ADAMTS6: variants seen among roughly 807,000 people sequenced by gnomAD.
ADAMTS6 encodes A disintegrin and metalloproteinase with thrombospondin motifs 6.
ADAMTS6 carries 23 observed loss-of-function variants against 144.3 expected under a neutral mutation model. The ratio of observed to expected loss-of-function variants is 0.16; its 90% CI spans 0.11 to 0.23. The LOEUF is 0.23. Ranked by LOEUF, ADAMTS6 falls within the 10% of genes least tolerant of loss-of-function variation. ADAMTS6 has a pLI of 1.00. For synonymous variants in ADAMTS6, 444 were observed against 457.5 expected, an observed-to-expected ratio of 0.97 and a Z score of 0.38; for missense variants, 999 against 1,379.6, an observed-to-expected ratio of 0.72 and a Z score of 4.37.
intron 9 of ADAMTS6, among the ~76,000 whole-genome samples, chr5:65,302,381 T>C (rs1743526274): frequency 6.8e-6 from 1 of 147,140 alleles, no homozygotes. Context: ...ATATATATTA[T>C]ACATAAATAT....
chr5:65,463,099 T>C (rs549938349), intron 3 of ADAMTS6, among the ~76,000 whole-genome samples: 4 of 150,760 alleles, frequency 2.7e-5, no homozygotes, highest in Admixed American at 6.6e-5. Flanking sequence ...AAAAAGCTAA[T>C]TGATTATACA....
At chr5:65,355,852 A>C (rs1246757331) in intron 7 of ADAMTS6, among the ~76,000 whole-genome samples, 1 of 151,872 alleles carries the variant, frequency 6.6e-6, no homozygotes, top group South Asian at 2.1e-4. Flanking sequence ...CTCTTCAGGC[A>C]TAAGATTATT....
chr5:65,375,238 A>G (rs1251514053), intron 7 of ADAMTS6, among the ~76,000 whole-genome samples: 1 of 152,238 alleles, frequency 6.6e-6, no homozygotes, highest in Admixed American at 6.5e-5. Flanking sequence ...AGGAATGGTA[A>G]CAAAAGCCAA....
intron 18 of ADAMTS6, among the ~76,000 whole-genome samples, chr5:65,221,750 G>A (rs530460996): frequency 1.3e-5 from 2 of 152,148 alleles, no homozygotes; most frequent in African/African-American, 2.4e-5. Flanking sequence ...AAATCCAAAT[G>A]AATTTACAAA....
chr5:65,287,038 G>A lies in ADAMTS6; in HGVS notation c.1512+4291C>T, dbSNP rs558007140. 1.2e-4 allele frequency among the ~76,000 whole-genome samples: 19 copies of A among 152,322 alleles called. No individual in the cohort carries two copies. In the South Asian group the frequency reaches 3.7e-3, roughly 30 times the overall value. On this transcript the variant is annotated intron_variant, in intron 11 of 24. Transcript: ENST00000381055. ...CTGATACTGCTGTTTTATTTGCAAT[G>A]TATTTTCATCCAGGAATCATCCAAG...
intron 7 of ADAMTS6, among the ~76,000 whole-genome samples, chr5:65,401,689 T>C (rs2150164882): frequency 6.6e-6 from 1 of 152,336 alleles, no homozygotes; most frequent in East Asian, 1.9e-4. Flanking sequence ...TATGTTGTGA[T>C]TCTCTGTATT....
chr5:65,317,539 A>G (rs894739173), intron 9 of ADAMTS6, among the ~76,000 whole-genome samples: 7 of 152,204 alleles, frequency 4.6e-5, no homozygotes, highest in Non-Finnish European at 1.0e-4. Flanking sequence ...TAGGCAACCA[A>G]AGCAAAAAAT....
At chr5:65,474,993 ATAAGG>A (rs1472722015) in intron 1 of ADAMTS6, among the ~76,000 whole-genome samples, 3 of 152,086 alleles carry the variant, frequency 2.0e-5, no homozygotes, top group Non-Finnish European at 2.9e-5. Flanking sequence ...AATGCGTTTA[ATAAGG>A]TAAGTTACTG....
rs1028176583 is a variant in ADAMTS6 at position 65,362,321 on chromosome 5, C to T, written c.1074-28236G>A. The stretch of plus-strand genomic sequence containing the variant: ...AGCATCTCATTGTACTGTAATTTTC[C>T]CATATCGGCTATCTCAACTTTATAG... On this transcript the variant is annotated intron_variant, in intron 7 of 24. Transcript: ENST00000381055. 2.6e-5 allele frequency among the ~76,000 whole-genome samples: 4 copies of T among 152,114 alleles called. No individual in the cohort carries two copies. The South Asian group carries it at 8.3e-4, about 32-fold the overall frequency.
rs185688604 is a variant in ADAMTS6 at position 65,420,491 on chromosome 5, C to A, written c.1073+30984G>T. On this transcript the variant is annotated intron_variant, in intron 7 of 24. Coordinates refer to ENST00000381055, the MANE Select transcript of ADAMTS6 (RefSeq NM_197941.4). ...CCGCCCCCTGGGTTCAAGTGATTCT[C>A]CTGCCTCAGCCTCACGAGTAGCCTG... Among the ~76,000 whole-genome samples, 518 of 152,230 alleles carry A rather than the reference C, an allele frequency of 3.4e-3. 1 individual carries two copies. The highest frequency in any genetic ancestry group is 0.012 in the African/African-American group (502 of 41,536).
intron 17 of ADAMTS6, 90 bp from the exon 18 acceptor site, chr5:65,224,490 T>C (rs1757573111): frequency 1.8e-6 from 2 of 1,118,930 alleles, no homozygotes; most frequent in East Asian, 2.4e-5. Flanking sequence ...TCCTTATTAT[T>C]CCATTCTCTC....
chr5:65,477,375 T>G (rs1323124566), intron 1 of ADAMTS6, among the ~76,000 whole-genome samples: 1 of 152,230 alleles, frequency 6.6e-6, no homozygotes, highest in Non-Finnish European at 1.5e-5. Flanking sequence ...TCATCCCTTT[T>G]TCTCCTATTT....
intron 22 of ADAMTS6, among the ~76,000 whole-genome samples, chr5:65,175,332 AAGAG>A (rs933105765): frequency 5.3e-5 from 8 of 152,040 alleles, no homozygotes; most frequent in African/African-American, 1.9e-4. Flanking sequence ...CAAAGTCAAA[AAGAG>A]AGAGACAGAA....
At chr5:65,475,063 C>T (rs1166335931) in intron 1 of ADAMTS6, among the ~76,000 whole-genome samples, 1 of 151,062 alleles carries the variant, frequency 6.6e-6, no homozygotes, top group Non-Finnish European at 1.5e-5. Flanking sequence ...ATTCCAAATC[C>T]CTAATATATG....
intron 7 of ADAMTS6, among the ~76,000 whole-genome samples, chr5:65,392,877 T>G (rs1159687079): frequency 6.6e-6 from 1 of 152,202 alleles, no homozygotes; most frequent in East Asian, 1.9e-4. Context: ...CATGAAATAT[T>G]AAAATATTAT....
intron 7 of ADAMTS6, among the ~76,000 whole-genome samples, chr5:65,336,782 T>C (rs1013302623): frequency 1.3e-5 from 2 of 152,130 alleles, no homozygotes; most frequent in Admixed American, 1.3e-4. Context: ...TCATTATAAC[T>C]GATAACCTTT....
intron 7 of ADAMTS6, among the ~76,000 whole-genome samples, chr5:65,359,150 T>C (rs537790913): frequency 6.6e-6 from 1 of 152,118 alleles, no homozygotes; most frequent in Admixed American, 6.6e-5. Flanking sequence ...ATGTCCAAAA[T>C]ATATAAGCAA....
intron 1 of ADAMTS6, among the ~76,000 whole-genome samples, chr5:65,478,219 G>A (rs1760970725): frequency 6.6e-6 from 1 of 152,128 alleles, no homozygotes; most frequent in Non-Finnish European, 1.5e-5. Context: ...CAATAAAAGT[G>A]AATGAGTTAA....
chr5:65,263,320 T>C (rs1480703561), intron 12 of ADAMTS6, among the ~76,000 whole-genome samples: 1 of 151,908 alleles, frequency 6.6e-6, no homozygotes, highest in Non-Finnish European at 1.5e-5. Flanking sequence ...TTAAAATTTT[T>C]CTTTATATTT....
Sources: gnomAD v4.1 joint callset for allele counts (sites outside exome capture counted in the v4.1 genomes callset) on GRCh38, gnomAD v4.1.1 for gene constraint, MANE v1.5 for transcripts, NCBI Gene and HGNC (gene_info 2026-07-23, HGNC 2026-07-21) for gene names.